Variants in WNK3 observed in about 807,000 individuals in gnomAD.
The protein encoded by WNK3 is WNK lysine deficient protein kinase 3.
WNK3 carries 18 observed loss-of-function variants against 116.7 expected under a neutral mutation model. That is an observed-to-expected ratio of 0.15 (90% CI 0.11 to 0.23). WNK3 has a LOEUF of 0.23. Among genes scored for constraint, WNK3 ranks in the 10% least tolerant of loss-of-function variants. WNK3 has a pLI of 1.00. For synonymous variants in WNK3, 404 were observed against 469.4 expected (o/e 0.86, Z 1.80); for missense variants, 993 against 1,323.8 (o/e 0.75, Z 3.88).
intron 10 of WNK3, among the ~76,000 whole-genome samples, chrX:54,280,290 C>G (rs1375840164): frequency 4.7e-5 from 5 of 105,789 alleles, no homozygotes; most frequent in Non-Finnish European, 9.7e-5. Context: ...GAGTAAGACT[C>G]TGTCTCAAAA....
exon 20 of WNK3, chrX:54,237,022 G>A (rs1381022082): frequency 5.0e-6 from 6 of 1,210,166 alleles, no homozygotes; most frequent in African/African-American, 3.5e-5. Context: ...GGAAGATGGC[G>A]AATAGAAGAG....
At chrX:54,288,943 T>C in intron 10 of WNK3, among the ~76,000 whole-genome samples, 1 of 111,954 alleles carries the variant, frequency 8.9e-6, no homozygotes, top group South Asian at 3.7e-4. Flanking sequence ...GCTTATTGTA[T>C]ATACCTGCTG....
At chrX:54,346,476 C>T (rs972444072) in intron 1 of WNK3, among the ~76,000 whole-genome samples, 17 of 106,424 alleles carry the variant, frequency 1.6e-4, no homozygotes, top group Admixed American at 1.5e-3. Flanking sequence ...TGGTATTGTG[C>T]GCCTGTAGTC....
At chrX:54,237,704 G>A (rs1462045486) in intron 19 of WNK3, among the ~76,000 whole-genome samples, 153 bp from the exon 20 acceptor site, 1 of 111,389 alleles carries the variant, frequency 9.0e-6, no homozygotes, top group Non-Finnish European at 1.9e-5. Flanking sequence ...AAGAGAGTGG[G>A]CATCATATTG....
At chrX:54,332,774 G>C (rs2069184510) in intron 2 of WNK3, among the ~76,000 whole-genome samples, 1 of 107,060 alleles carries the variant, frequency 9.3e-6, no homozygotes, top group African/African-American at 3.4e-5. Context: ...TGTAATCCCA[G>C]CTATTTGGGA....
At chrX:54,224,675 T>C (rs2067812137) in intron 22 of WNK3, among the ~76,000 whole-genome samples, 1 of 108,723 alleles carries the variant, frequency 9.2e-6, no homozygotes, top group Non-Finnish European at 1.9e-5. Flanking sequence ...GTTCACGCCA[T>C]TCTCCTGCCT....
chrX:54,287,440 A>G (rs1221346354), intron 10 of WNK3, among the ~76,000 whole-genome samples: 2 of 111,277 alleles, frequency 1.8e-5, no homozygotes, highest in Non-Finnish European at 3.8e-5. Context: ...TGTCTGCTCA[A>G]ATGTTACCTT....
At position 54,255,892 on chromosome X, in the gene WNK3, T is replaced by C; in HGVS notation, c.2103-5A>G. ...GTTGCCACATCTTGATTCAAGCTAG[T>C]AATATTTTTAAAAAAGTAACTCATT... On this transcript the variant is annotated splice_region_variant and splice_polypyrimidine_tract_variant and intron_variant, in intron 11 of 23. Coordinates refer to ENST00000354646, the Ensembl canonical transcript of WNK3. 2 of 1,191,077 alleles carry C rather than the reference T, an allele frequency of 1.7e-6. No individual in the cohort carries two copies. Among genetic ancestry groups the C allele is most frequent in the Non-Finnish European group, 2.3e-6 (2 of 885,609 alleles).
At chrX:54,239,260 T>C (rs2067998494) in intron 17 of WNK3, among the ~76,000 whole-genome samples, 161 bp from the exon 18 acceptor site, 1 of 105,061 alleles carries the variant, frequency 9.5e-6, no homozygotes, top group East Asian at 3.0e-4. Context: ...CAAAATAGAG[T>C]ATTACGTATA....
intron 10 of WNK3, among the ~76,000 whole-genome samples, chrX:54,277,020 A>G (rs1557161137): frequency 8.9e-6 from 1 of 112,174 alleles, no homozygotes; most frequent in Non-Finnish European, 1.9e-5. Context: ...CCTGGCCAAC[A>G]TTAATTCATA....
Position 54,232,797 on chromosome X carries a change from T to G in WNK3, c.4840+12A>C. ...CTAGATTTTTTAAAAATTACTTTTA[T>G]GACTGATTTACCTGTAGCAACTATG... On this transcript the variant is annotated intron_variant, in intron 21 of 23. Transcript: ENST00000354646. The G allele has an allele frequency of 8.4e-7, 1 of 1,194,497 alleles. No homozygotes were observed. The highest frequency in any genetic ancestry group is 1.1e-6 in the Non-Finnish European group (1 of 885,681).
chrX:54,230,956 G>C (rs1339666617), intron 21 of WNK3, among the ~76,000 whole-genome samples: 1 of 112,522 alleles, frequency 8.9e-6, no homozygotes, highest in Non-Finnish European at 1.9e-5. Flanking sequence ...CCAGGCAATG[G>C]GCTCTGACCC....
intron 18 of WNK3, 50 bp downstream of exon 18, chrX:54,238,818 A>C: frequency 1.0e-6 from 1 of 966,434 alleles, no homozygotes; most frequent in Non-Finnish European, 1.4e-6. Context: ...AAAATAAGTA[A>C]ATGAAAAGTG....
intron 22 of WNK3, among the ~76,000 whole-genome samples, chrX:54,204,702 G>C (rs1167520369): frequency 1.8e-5 from 2 of 112,221 alleles, no homozygotes; most frequent in Non-Finnish European, 3.8e-5. Flanking sequence ...GCACAACAAA[G>C]TTGGGGAAGA....
At chrX:54,284,996 T>A (rs1240521244) in intron 10 of WNK3, among the ~76,000 whole-genome samples, 4 of 109,999 alleles carry the variant, frequency 3.6e-5, no homozygotes, top group Non-Finnish European at 5.7e-5. Context: ...AAGCTACTGA[T>A]ACATACACAA....
chrX:54,209,180 G>C (rs1557143257), intron 22 of WNK3, among the ~76,000 whole-genome samples: 1 of 111,345 alleles, frequency 9.0e-6, no homozygotes, highest in African/African-American at 3.3e-5. Context: ...ATGTCTGTTA[G>C]GTTGGCTCTA....
chrX:54,333,118 A>G lies in WNK3; in HGVS notation c.537+19T>C, dbSNP rs1343038751. ...GCTAAAACTTGAATTTATTATAACC[A>G]AGAAGATTATATACCTACCTGCAGC... On this transcript the variant is annotated intron_variant, in intron 2 of 23. Transcript: ENST00000354646. 1 of 1,140,358 alleles carries G rather than the reference A, an allele frequency of 8.8e-7. No homozygotes were observed. Among genetic ancestry groups the G allele is most frequent in the South Asian group, 2.1e-5 (1 of 47,939 alleles). The allele number at this position is 1,140,358 out of a possible 1,213,427, so 94.0% of individuals were successfully genotyped here. A position where few individuals can be genotyped will look rare whatever the true frequency, so the allele number is the denominator to read the frequency against.
intron 10 of WNK3, among the ~76,000 whole-genome samples, chrX:54,269,449 A>G (rs1237209404): frequency 8.9e-6 from 1 of 111,823 alleles, no homozygotes; most frequent in Non-Finnish European, 1.9e-5. Flanking sequence ...AGTAAATGGA[A>G]GTCTCATACA....
intron 10 of WNK3, among the ~76,000 whole-genome samples, chrX:54,274,215 T>C (rs936015006): frequency 1.8e-5 from 2 of 111,755 alleles, no homozygotes; most frequent in African/African-American, 6.5e-5. Flanking sequence ...TCACTACATT[T>C]CCCTTGTTCA....
Sources: gnomAD v4.1 joint callset for allele counts (sites outside exome capture counted in the v4.1 genomes callset) on GRCh38, gnomAD v4.1.1 for gene constraint, MANE v1.5 for transcripts, NCBI Gene and HGNC (gene_info 2026-07-23, HGNC 2026-07-21) for gene names.